The following DUSP22 variants were observed in gnomAD, a reference collection of about 807,000 sequenced individuals.
The protein encoded by DUSP22 is dual specificity phosphatase 22.
DUSP22 carries 24 observed loss-of-function variants against 24.5 expected under a neutral mutation model. That is an observed-to-expected ratio of 0.98 (90% CI 0.71 to 1.38). The LOEUF (loss-of-function observed/expected upper bound fraction) is 1.38, where lower values mean the gene tolerates loss of function less well. DUSP22 is among the 40% of genes most tolerant of loss of function. DUSP22 has a pLI of 0.00. For synonymous variants in DUSP22, 160 were observed against 106.4 expected, an observed-to-expected ratio of 1.50 and a Z score of -3.10; for missense variants, 330 against 269.2, an observed-to-expected ratio of 1.23 and a Z score of -1.58.
At chr6:314,900 G>A (rs1475309067) in intron 3 of DUSP22, among the ~76,000 whole-genome samples, 1 of 152,310 alleles carries the variant, frequency 6.6e-6, no homozygotes, top group African/African-American at 2.4e-5. Context: ...TAATTTGTTG[G>A]GGGTTGGGGT....
intron 1 of DUSP22, among the ~76,000 whole-genome samples, chr6:297,022 G>A (rs1268092594): frequency 6.6e-6 from 1 of 152,248 alleles, no homozygotes; most frequent in Non-Finnish European, 1.5e-5. Context: ...TCACTTCAGT[G>A]GGTGCATCTT....
At chr6:294,494 T>C (rs1308753659) in intron 1 of DUSP22, among the ~76,000 whole-genome samples, 1 of 152,288 alleles carries the variant, frequency 6.6e-6, no homozygotes, top group Non-Finnish European at 1.5e-5. Flanking sequence ...CATTAAAAAA[T>C]AAACCGGTGA....
At chr6:312,194 C>T (rs1469793958) in intron 3 of DUSP22, among the ~76,000 whole-genome samples, 2 of 152,310 alleles carry the variant, frequency 1.3e-5, no homozygotes, top group East Asian at 1.9e-4. Flanking sequence ...CTTTGGCTTT[C>T]GTGGCTAAAT....
chr6:337,637 C>T (rs1242526929), intron 4 of DUSP22, among the ~76,000 whole-genome samples: 3 of 152,294 alleles, frequency 2.0e-5, no homozygotes, highest in African/African-American at 7.2e-5. Context: ...TTTTAAAATA[C>T]GTATAGATTT....
Position 350,297 on chromosome 6 carries a change from G to A in DUSP22, c.*1346G>A. On this transcript the variant is annotated 3_prime_UTR_variant, in exon 7 of 7. Transcript: ENST00000419235. ...CAGGCCACGAGAGCATCTACAGTTTGTACTCTGGGGCTGCAGGCATCCTGG... is the reference window on the plus strand; with the variant it reads ...CAGGCCACGAGAGCATCTACAGTTTATACTCTGGGGCTGCAGGCATCCTGG... 6 of 997,262 alleles carry A rather than the reference G, an allele frequency of 6.0e-6. No individual in the cohort carries two copies. The highest frequency in any genetic ancestry group is 7.2e-6 in the Non-Finnish European group (6 of 837,554). 61.8% of individuals were successfully genotyped at this position (997,262 alleles called of 1,614,324 possible). A position where few individuals can be genotyped will look rare whatever the true frequency, so the allele number is the denominator to read the frequency against.
chr6:348,645 A>G, intron 6 of DUSP22, 124 bp from the exon 7 acceptor site: 2 of 1,488,692 alleles, frequency 1.3e-6, no homozygotes, highest in South Asian at 1.3e-5. Context: ...CTGATTTCCC[A>G]CTGCTGTTTG....
intron 3 of DUSP22, among the ~76,000 whole-genome samples, chr6:314,373 T>C (rs963616636): frequency 6.6e-6 from 1 of 152,280 alleles, no homozygotes; most frequent in Non-Finnish European, 1.5e-5. Context: ...GTTTTGGTCC[T>C]GCTACATCCA....
intron 1 of DUSP22, among the ~76,000 whole-genome samples, chr6:297,047 C>T (rs927359048): frequency 3.3e-5 from 5 of 152,300 alleles, no homozygotes; most frequent in South Asian, 2.1e-4. Flanking sequence ...CCATGGGGAG[C>T]GCACTGTTGC....
chr6:344,054 G>A (rs551594585), intron 4 of DUSP22, among the ~76,000 whole-genome samples: 1 of 152,424 alleles, frequency 6.6e-6, no homozygotes, highest in East Asian at 1.9e-4. Flanking sequence ...AACCAGTCCA[G>A]AATGAGGTCT....
chr6:311,012 G>A (rs1357592842), intron 2 of DUSP22, among the ~76,000 whole-genome samples: 1 of 152,306 alleles, frequency 6.6e-6, no homozygotes, highest in African/African-American at 2.4e-5. Context: ...CACACTTTCA[G>A]GTTGCCTTGG....
rs934623784 is a variant in DUSP22 at position 345,099 on chromosome 6, G to T, written c.189-755G>T. 1.1e-4 allele frequency among the ~76,000 whole-genome samples: 17 copies of T among 152,404 alleles called. No homozygotes were observed. The South Asian group carries it at 1.2e-3, about 11-fold the overall frequency. The stretch of plus-strand genomic sequence containing the variant: ...AACCCACAGCCTTCCCTAGACCTCA[G>T]CATTGTAAATAATGGATTCTGAGGC... On this transcript the variant is annotated intron_variant, in intron 4 of 6. Coordinates refer to ENST00000419235, the MANE Select transcript of DUSP22 (RefSeq NM_001286555.3).
At chr6:318,896 G>T (rs1758452634) in intron 3 of DUSP22, among the ~76,000 whole-genome samples, 1 of 152,308 alleles carries the variant, frequency 6.6e-6, no homozygotes, top group Non-Finnish European at 1.5e-5. Context: ...ACGTCTGTGT[G>T]TTCACAGGGT....
chr6:340,385 G>A (rs746901546), intron 4 of DUSP22, among the ~76,000 whole-genome samples: 17 of 152,414 alleles, frequency 1.1e-4, no homozygotes, highest in African/African-American at 2.2e-4. Flanking sequence ...GCTGGAAAGC[G>A]TGCTGGGGCA....
At chr6:335,765 C>G (rs545532144) in intron 4 of DUSP22, among the ~76,000 whole-genome samples, 1 of 152,428 alleles carries the variant, frequency 6.6e-6, no homozygotes, top group Admixed American at 6.5e-5. Flanking sequence ...TTCAGACCAG[C>G]TGTGTTTCCA....
At chr6:316,261 A>G (rs1197302356) in intron 3 of DUSP22, among the ~76,000 whole-genome samples, 1 of 152,298 alleles carries the variant, frequency 6.6e-6, no homozygotes, top group African/African-American at 2.4e-5. Context: ...CCTGCCAGCC[A>G]TAGCCCTTCA....
rs574036896 is a variant in DUSP22 at position 348,073 on chromosome 6, C to G, written c.264-30C>G. On this transcript the variant is annotated intron_variant, in intron 5 of 6. Coordinates refer to ENST00000419235, the MANE Select transcript of DUSP22 (RefSeq NM_001286555.3). ...ATGAACCCGGAGATCTGAAACTGCC[C>G]TCACACATGTGCTTCTCTTGGCCCC... 1.5e-5 allele frequency: 24 copies of G among 1,612,666 alleles called. No individual in the cohort carries two copies. In the African/African-American group the frequency reaches 1.9e-4, roughly 13 times the overall value.
intron 5 of DUSP22, among the ~76,000 whole-genome samples, chr6:346,938 G>C (rs1388913428): frequency 1.4e-4 from 21 of 152,308 alleles, no homozygotes; most frequent in African/African-American, 4.6e-4. Flanking sequence ...GAGGACGCTA[G>C]ATAGTTGAGT....
intron 3 of DUSP22, among the ~76,000 whole-genome samples, chr6:334,720 G>C (rs1156348901): frequency 2.6e-5 from 4 of 152,298 alleles, no homozygotes; most frequent in African/African-American, 9.6e-5. Context: ...TTTTACTTAC[G>C]AACAGTGCTT....
chr6:335,249 G>A, intron 4 of DUSP22, 86 bp downstream of exon 4: 1 of 1,549,540 alleles, frequency 6.5e-7, no homozygotes, highest in Non-Finnish European at 8.9e-7. Flanking sequence ...AGACTGTGAA[G>A]TTGTCAGAGC....
Sources: allele counts gnomAD v4.1 joint callset (sites outside exome capture counted in the v4.1 genomes callset), GRCh38; gene constraint gnomAD v4.1.1; transcripts MANE v1.5; gene names NCBI Gene and HGNC (gene_info 2026-07-23, HGNC 2026-07-21).